The following PRICKLE1 variants were observed in gnomAD, a reference collection of about 807,000 sequenced individuals.
PRICKLE1 encodes prickle planar cell polarity protein 1.
A neutral mutation model predicts 70.2 loss-of-function variants in PRICKLE1; 14 were observed. The observed-to-expected ratio is 0.20, with a 90% CI of 0.13 to 0.31. The LOEUF (loss-of-function observed/expected upper bound fraction) is 0.31, where lower values mean the gene tolerates loss of function less well. Among genes scored for constraint, PRICKLE1 ranks in the 10% least tolerant of loss-of-function variants. PRICKLE1 has a pLI of 1.00. For missense variants in PRICKLE1, 821 were observed against 1,026.2 expected, an observed-to-expected ratio of 0.80 and a Z score of 2.73; for synonymous variants, 357 against 379.9, an observed-to-expected ratio of 0.94 and a Z score of 0.70.
chr12:42,487,458 G>A (rs1939009581), intron 1 of PRICKLE1, among the ~76,000 whole-genome samples: 1 of 152,090 alleles, frequency 6.6e-6, no homozygotes, highest in African/African-American at 2.4e-5. Flanking sequence ...GTTCTTTAAC[G>A]TTTTCTACAC....
rs924829003 is a variant in PRICKLE1, at chr12:42,561,205, A to G, written c.-49+28260T>C. On this transcript the variant is annotated intron_variant, in intron 1 of 7. Coordinates refer to ENST00000345127, the MANE Select transcript of PRICKLE1 (RefSeq NM_153026.3). Reference sequence around the variant, plus strand: ...CTGAGCCAACAAGGGACTTATATTTAGTAATAACCTTTATTCTCTTTTCCC... The same window carrying G: ...CTGAGCCAACAAGGGACTTATATTTGGTAATAACCTTTATTCTCTTTTCCC... Among the ~76,000 whole-genome samples, 29 of 152,360 alleles carry G rather than the reference A, an allele frequency of 1.9e-4. 1 individual carries two copies. Among genetic ancestry groups the G allele is most frequent in the African/African-American group, 7.0e-4 (29 of 41,594 alleles).
chr12:42,513,773 A>T (rs1421845242), intron 1 of PRICKLE1, among the ~76,000 whole-genome samples: 5 of 152,136 alleles, frequency 3.3e-5, no homozygotes, highest in African/African-American at 1.2e-4. Context: ...AGGCAGGTAG[A>T]TCACTTGAGG....
chr12:42,516,040 C>T (rs1385988899), intron 1 of PRICKLE1, among the ~76,000 whole-genome samples: 2 of 152,162 alleles, frequency 1.3e-5, no homozygotes, highest in Non-Finnish European at 2.9e-5. Flanking sequence ...CATCTTTTCT[C>T]TCCGATTTTG....
At chr12:42,471,650 A>C (rs568428816) in intron 2 of PRICKLE1, among the ~76,000 whole-genome samples, 34 of 152,288 alleles carry the variant, frequency 2.2e-4, no homozygotes, top group African/African-American at 8.2e-4. Context: ...AGGAAACAGA[A>C]CCCTAACATC....
chr12:42,587,338 A>G (rs933810334), intron 1 of PRICKLE1, among the ~76,000 whole-genome samples: 1 of 150,764 alleles, frequency 6.6e-6, no homozygotes, highest in Non-Finnish European at 1.5e-5. Context: ...CCCTCTCTCC[A>G]TCCCTCCCTC....
chr12:42,580,343 C>T lies in PRICKLE1; in HGVS notation c.-49+9122G>A, dbSNP rs116926682. On this transcript the variant is annotated intron_variant, in intron 1 of 7. Transcript: ENST00000345127. ...ATTAATTATACTTTTGAATAATATG[C>T]TCAACATCTTTTTCTGTCAACCTCC... 1.4e-3 allele frequency among the ~76,000 whole-genome samples: 216 copies of T among 152,214 alleles called. 2 individuals are homozygous for T. Among genetic ancestry groups the T allele is most frequent in the Admixed American group, 3.5e-3 (53 of 15,290 alleles).
chr12:42,546,059 A>G (rs1413759682), intron 1 of PRICKLE1, among the ~76,000 whole-genome samples: 1 of 152,246 alleles, frequency 6.6e-6, no homozygotes, highest in East Asian at 1.9e-4. Context: ...ACTGACGAAC[A>G]AACATGCCAG....
chr12:42,550,894 C>G (rs1055438825), intron 1 of PRICKLE1, among the ~76,000 whole-genome samples: 2 of 152,178 alleles, frequency 1.3e-5, no homozygotes, highest in African/African-American at 4.8e-5. Flanking sequence ...GCCTGAAGTA[C>G]TAGGGCTGAA....
At chr12:42,518,244 A>C (rs994776204) in intron 1 of PRICKLE1, among the ~76,000 whole-genome samples, 9 of 152,014 alleles carry the variant, frequency 5.9e-5, no homozygotes, top group African/African-American at 2.2e-4. Context: ...GGGTTTCAAC[A>C]TGTTGCCCAG....
chr12:42,559,060 C>T (rs1300435360), intron 1 of PRICKLE1, among the ~76,000 whole-genome samples: 1 of 152,130 alleles, frequency 6.6e-6, no homozygotes, highest in African/African-American at 2.4e-5. Context: ...GAAAAAGGAG[C>T]CCTTCTACTT....
At chr12:42,551,563 A>C (rs1346191079) in intron 1 of PRICKLE1, among the ~76,000 whole-genome samples, 1 of 152,176 alleles carries the variant, frequency 6.6e-6, no homozygotes, top group Non-Finnish European at 1.5e-5. Context: ...ATGGCTGTAA[A>C]TATTGATCCA....
At chr12:42,506,583 T>C (rs1159199457) in intron 1 of PRICKLE1, among the ~76,000 whole-genome samples, 1 of 134,840 alleles carries the variant, frequency 7.4e-6, no homozygotes, top group African/African-American at 2.8e-5. Flanking sequence ...TTTTTTTTTT[T>C]TTTTTTTTTT....
At chr12:42,537,372 C>G (rs569059567) in intron 1 of PRICKLE1, among the ~76,000 whole-genome samples, 5 of 152,084 alleles carry the variant, frequency 3.3e-5, no homozygotes, top group African/African-American at 1.2e-4. Flanking sequence ...GCCATGTTGC[C>G]CAGGCTGGTC....
chr12:42,481,011 C>T (rs1938772238), intron 1 of PRICKLE1, among the ~76,000 whole-genome samples: 1 of 152,090 alleles, frequency 6.6e-6, no homozygotes, highest in African/African-American at 2.4e-5. Flanking sequence ...AAAGCTTACA[C>T]ATAGTGACTT....
chr12:42,506,000 CGTT>C (rs1247340538), intron 1 of PRICKLE1, among the ~76,000 whole-genome samples: 2 of 152,090 alleles, frequency 1.3e-5, no homozygotes, highest in African/African-American at 4.8e-5. Context: ...AAAGTGGTAA[CGTT>C]GTGGAATAAG....
In PRICKLE1 at chr12:42,464,280, C is replaced by T; in HGVS notation, c.1639+115G>A. ...AAATGATCTGCCCACCTCAGCCTCC[C>T]ATAGTGCTGGAATTATAGGCATGAG... is the stretch of plus-strand genomic sequence containing the variant. On this transcript the variant is annotated intron_variant, in intron 7 of 7. Coordinates refer to ENST00000345127, the MANE Select transcript of PRICKLE1 (RefSeq NM_153026.3). The surrounding 1 kb of genome is among the most constrained non-coding windows in gnomAD (Gnocchi z 4.2). The T allele has an allele frequency of 7.7e-7, 1 of 1,297,938 alleles. No homozygotes were observed. The highest frequency in any genetic ancestry group is 1.1e-6 in the Non-Finnish European group (1 of 899,780). 80.4% of individuals were successfully genotyped at this position (1,297,938 alleles called of 1,614,324 possible).
intron 1 of PRICKLE1, chr12:42,484,431 T>A (rs1938932660): frequency 6.6e-6 from 1 of 152,138 alleles, no homozygotes; most frequent in African/African-American, 2.4e-5. Context: ...AGAAATCATC[T>A]CCACTCTGCC....
At chr12:42,476,822 T>C (rs187996247) in intron 1 of PRICKLE1, among the ~76,000 whole-genome samples, 179 of 151,094 alleles carry the variant, frequency 1.2e-3, no homozygotes, top group African/African-American at 4.1e-3. Context: ...TTTTTTGTTT[T>C]TGTTTTTTGT....
At chr12:42,528,714 C>T (rs997192423) in intron 1 of PRICKLE1, among the ~76,000 whole-genome samples, 1 of 152,112 alleles carries the variant, frequency 6.6e-6, no homozygotes, top group African/African-American at 2.4e-5. Context: ...CAGAATATGC[C>T]AGTTTGTGAG....
Sources: gnomAD v4.1 joint callset for allele counts (sites outside exome capture counted in the v4.1 genomes callset) on GRCh38, gnomAD v4.1.1 for gene constraint, Gnocchi (gnomAD v3.1) non-coding constraint, MANE v1.5 for transcripts, NCBI Gene and HGNC (gene_info 2026-07-23, HGNC 2026-07-21) for gene names.